Variants in PIP4K2B observed in about 807,000 individuals in gnomAD.
The protein encoded by PIP4K2B is phosphatidylinositol-5-phosphate 4-kinase type 2 beta.
A neutral mutation model predicts 42.0 loss-of-function variants in PIP4K2B; 3 were observed. That is an observed-to-expected ratio of 0.07 (90% CI 0.03 to 0.18). The LOEUF (loss-of-function observed/expected upper bound fraction) is 0.18. Among genes scored for constraint, PIP4K2B ranks in the 10% least tolerant of loss-of-function variants. PIP4K2B has a pLI of 1.00. For missense variants in PIP4K2B, 332 were observed against 562.3 expected (o/e 0.59, Z 4.14); for synonymous variants, 204 against 210.1 (o/e 0.97, Z 0.25).
intron 1 of PIP4K2B, among the ~76,000 whole-genome samples, chr17:38,788,582 C>A (rs1910168015): frequency 6.6e-6 from 1 of 151,912 alleles, no homozygotes; most frequent in Non-Finnish European, 1.5e-5. Flanking sequence ...CCAGGCCTGG[C>A]ACAGTGGCTC....
chr17:38,799,346 G>A lies in PIP4K2B; in HGVS notation c.79C>T (p.His27Tyr). Residue 27 changes from histidine to tyrosine, a missense_variant, in exon 1 of 10, where the codon CAT becomes TAT. Physicochemically the swap from His to Tyr is moderately conservative, Grantham distance 83. This residue lies in a region of PIP4K2B where 186 missense variants were observed against 288.4 expected (regional missense o/e 0.64). Coordinates refer to ENST00000619039, the MANE Select transcript of PIP4K2B (RefSeq NM_003559.5). The surrounding 1 kb of genome is among the most constrained non-coding windows in gnomAD (Gnocchi z 4.4). Reference sequence around the variant, plus strand: ...AGCTTCACTTTCTGGCACACGAAATGCTTCTTCTTGGTCTTGGTCTTGCTG... The same window carrying A: ...AGCTTCACTTTCTGGCACACGAAATACTTCTTCTTGGTCTTGGTCTTGCTG... ...SASKTKTKKK[H>Y]FVCQKVKLFR... 1 of 1,609,670 alleles carries A rather than the reference G, an allele frequency of 6.2e-7. No homozygotes were observed. Among genetic ancestry groups the A allele is most frequent in the Non-Finnish European group, 8.5e-7 (1 of 1,178,412 alleles).
chr17:38,780,667 G>C, intron 3 of PIP4K2B, 63 bp from the exon 4 acceptor site: 1 of 1,545,952 alleles, frequency 6.5e-7, no homozygotes, highest in Non-Finnish European at 8.9e-7. Flanking sequence ...CTTTCGCTGA[G>C]TCTTCCCTCA....
At chr17:38,776,014 A>G (rs1385702235) in intron 7 of PIP4K2B, 1 of 440,588 alleles carries the variant, frequency 2.3e-6, no homozygotes, top group Non-Finnish European at 4.5e-6. Flanking sequence ...ATGGAGTTTC[A>G]TTCATAACAT....
intron 1 of PIP4K2B, among the ~76,000 whole-genome samples, chr17:38,790,673 G>A (rs1386003712): frequency 6.6e-6 from 1 of 152,104 alleles, no homozygotes; most frequent in Non-Finnish European, 1.5e-5. Context: ...TGGTCAGGCT[G>A]GTCTCGAATT....
At chr17:38,776,979 C>T (rs1459987018) in intron 7 of PIP4K2B, among the ~76,000 whole-genome samples, 1 of 152,172 alleles carries the variant, frequency 6.6e-6, no homozygotes, top group Non-Finnish European at 1.5e-5. Flanking sequence ...CTCATGTTGC[C>T]TTGATCTGCC....
chr17:38,767,394 A>C lies in PIP4K2B; in HGVS notation c.*2297T>G, dbSNP rs1218850100. On this transcript the variant is annotated 3_prime_UTR_variant, in exon 10 of 10. Coordinates refer to ENST00000619039, the MANE Select transcript of PIP4K2B (RefSeq NM_003559.5). ...AGCACAGCGAATGACCTTTAAAAAAAAAAATTGAAAATCCACCAAACCACA... is the reference window on the plus strand; with the variant it reads ...AGCACAGCGAATGACCTTTAAAAAACAAAATTGAAAATCCACCAAACCACA... The C allele has an allele frequency of 6.6e-6, 1 of 152,296 alleles. No homozygotes were observed. Among genetic ancestry groups the C allele is most frequent in the Non-Finnish European group, 1.5e-5 (1 of 68,044 alleles). 9.4% of individuals were successfully genotyped at this position (152,296 alleles called of 1,614,324 possible).
At chr17:38,779,575 C>T in intron 4 of PIP4K2B, 46 bp from the exon 5 acceptor site, 1 of 1,571,634 alleles carries the variant, frequency 6.4e-7, no homozygotes. Context: ...ACAGGCAGTG[C>T]CAGGGATGGA....
rs374708195 is a variant in PIP4K2B at position 38,785,555 on chromosome 17, T to C, written c.258-1216A>G. On this transcript the variant is annotated intron_variant, in intron 2 of 9. Transcript: ENST00000619039. ...TTAGCCGGGCGTGGTGGTGGGTGCC[T>C]GTAATCCCAGCTACTCAGGAGCCTG... 1.1e-4 allele frequency among the ~76,000 whole-genome samples: 17 copies of C among 152,230 alleles called. No homozygotes were observed. In the East Asian group the frequency reaches 1.9e-3, roughly 17 times the overall value.
chr17:38,779,842 T>A, intron 4 of PIP4K2B: 3 of 323,740 alleles, frequency 9.3e-6, no homozygotes, highest in East Asian at 5.1e-5. Flanking sequence ...GGAAAATCCC[T>A]GATCCACACC....
In PIP4K2B at chr17:38,777,807, G is replaced by C. The variant is rs765908656; in HGVS notation, c.694-7C>G. On this transcript the variant is annotated splice_region_variant and splice_polypyrimidine_tract_variant and intron_variant, in intron 6 of 9. Transcript: ENST00000619039. ...ATGTTGGCAAGTCCTTGGCCTAGGA[G>C]AGCAACAGCAGTTAGGCTGGGTAAG... The C allele has an allele frequency of 5.0e-6, 8 of 1,599,534 alleles. No individual in the cohort carries two copies. Among genetic ancestry groups the C allele is most frequent in the African/African-American group, 1.3e-5 (1 of 74,620 alleles).
intron 1 of PIP4K2B, among the ~76,000 whole-genome samples, chr17:38,797,368 C>T (rs1296961725): frequency 6.6e-6 from 1 of 152,176 alleles, no homozygotes; most frequent in African/African-American, 2.4e-5. Context: ...GGCGTATAAC[C>T]CAGAGCATAT....
intron 1 of PIP4K2B, among the ~76,000 whole-genome samples, chr17:38,789,083 C>G (rs1435835245): frequency 6.6e-6 from 1 of 152,194 alleles, no homozygotes; most frequent in Non-Finnish European, 1.5e-5. Context: ...CACCACTGCA[C>G]TGCACTCTAG....
Position 38,791,893 on chromosome 17 carries a change from T to C in PIP4K2B, c.160-4973A>G, listed in dbSNP as rs1483346024. On this transcript the variant is annotated intron_variant, in intron 1 of 9. Transcript: ENST00000619039. ...TCATGAGGTCAGGAGATCAAGACCA[T>C]CCTGGCTAACACAGTGAAACCCCGT... 3.3e-5 allele frequency among the ~76,000 whole-genome samples: 5 copies of C among 150,322 alleles called. No homozygotes were observed. The East Asian group carries it at 8.1e-4, about 24-fold the overall frequency.
At chr17:38,773,848 C>A (rs1909174322) in intron 7 of PIP4K2B, among the ~76,000 whole-genome samples, 1 of 152,176 alleles carries the variant, frequency 6.6e-6, no homozygotes, top group Non-Finnish European at 1.5e-5. Context: ...ATGCACCATG[C>A]CCTCCACCCA....
Position 38,792,121 on chromosome 17 carries a change from T to C in PIP4K2B, c.160-5201A>G, listed in dbSNP as rs141028718. Among the ~76,000 whole-genome samples the C allele has an allele frequency of 2.0e-4, 30 of 151,644 alleles. No homozygotes were observed. In the East Asian group the frequency reaches 4.9e-3, roughly 25 times the overall value. On this transcript the variant is annotated intron_variant, in intron 1 of 9. Coordinates refer to ENST00000619039, the MANE Select transcript of PIP4K2B (RefSeq NM_003559.5). ...AAAAAAAAAAAAGCAATGAGTTCAC[T>C]CTATGCTGATCTACTGGAGATGAAA...
chr17:38,771,275 A>C lies in PIP4K2B; in HGVS notation c.808-3T>G. Reference sequence around the variant, plus strand: ...ATGATCTTCAGCTGTGCCAAGAACTAGGAAGGGCAAGGATGGAAAGATGGA... The same window carrying C: ...ATGATCTTCAGCTGTGCCAAGAACTCGGAAGGGCAAGGATGGAAAGATGGA... On this transcript the variant is annotated splice_region_variant and splice_polypyrimidine_tract_variant and intron_variant, in intron 7 of 9. Transcript: ENST00000619039. 6.2e-7 allele frequency: 1 copy of C among 1,614,040 alleles called. No individual in the cohort carries two copies. Among genetic ancestry groups the C allele is most frequent in the Non-Finnish European group, 8.5e-7 (1 of 1,179,938 alleles).
Position 38,771,375 on chromosome 17 carries a change from TACAA to T in PIP4K2B, c.808-107_808-104del. 6.0e-6 allele frequency: 8 copies of T among 1,340,134 alleles called. No homozygotes were observed. The South Asian group carries it at 7.9e-5, about 13-fold the overall frequency. 83.0% of individuals were successfully genotyped at this position (1,340,134 alleles called of 1,614,324 possible). ...AAAGGCATTCCTTTCAACTCAATTC[TACAA>T]ACAGTTTTGAAATTCAACAGAGAGT... On this transcript the variant is annotated intron_variant, in intron 7 of 9. Coordinates refer to ENST00000619039, the MANE Select transcript of PIP4K2B (RefSeq NM_003559.5).
Position 38,778,337 on chromosome 17 carries a change from C to T in PIP4K2B, c.690G>A (p.Glu230=). The change falls in exon 6 of 10, where the codon GAG becomes GAA. Residue 230 remains glutamate (E), a synonymous_variant. Transcript: ENST00000619039. The part of the protein sequence containing the change: ...STVAREASDK[E]KAKDLPTFKD... ...TTCCTGCTCAGCACCAGCATACCTT[C>T]TCCTTGTCGCTCGCTTCTCTGGCAA... The T allele has an allele frequency of 6.2e-7, 1 of 1,614,118 alleles. No individual in the cohort carries two copies. The highest frequency in any genetic ancestry group is 8.5e-7 in the Non-Finnish European group (1 of 1,179,976).
chr17:38,769,409 A>G lies in PIP4K2B; in HGVS notation c.*282T>C. On this transcript the variant is annotated 3_prime_UTR_variant, in exon 10 of 10. Coordinates refer to ENST00000619039, the MANE Select transcript of PIP4K2B (RefSeq NM_003559.5). ...TATCTTAAAAGGTTACAAGGTACCA[A>G]AAAGGGAACCCCTTTTTAACCTGGG... The G allele has an allele frequency of 2.2e-6, 1 of 458,546 alleles. No individual in the cohort carries two copies. Among genetic ancestry groups the G allele is most frequent in the Non-Finnish European group, 3.9e-6 (1 of 256,584 alleles). The allele number at this position is 458,546 out of a possible 1,614,324, so 28.4% of individuals were successfully genotyped here. A position where few individuals can be genotyped will look rare whatever the true frequency, so the allele number is the denominator to read the frequency against.
Sources: allele counts gnomAD v4.1 joint callset (sites outside exome capture counted in the v4.1 genomes callset), GRCh38; gene constraint gnomAD v4.1.1; regional missense constraint gnomAD v4.1.1; non-coding constraint Gnocchi (gnomAD v3.1); transcripts MANE v1.5; gene names NCBI Gene and HGNC (gene_info 2026-07-23, HGNC 2026-07-21).